Variants in GNAS-AS1 observed in about 807,000 individuals in gnomAD.
GNAS-AS1 encodes the protein GNAS antisense RNA 1, also known as GNAS antisense RNA 1 (non-protein coding).
chr20:58,833,867 CCA>C (rs2145460135), intron 4 of GNAS-AS1: 1 of 152,312 alleles, frequency 6.6e-6, no homozygotes, highest in African/African-American at 2.4e-5. Flanking sequence ...CGATTTCTCC[CCA>C]GTTATCAGGA....
chr20:58,829,118 G>T (rs2085539335), intron 4 of GNAS-AS1, among the ~76,000 whole-genome samples: 1 of 152,174 alleles, frequency 6.6e-6, no homozygotes, highest in Non-Finnish European at 1.5e-5. Flanking sequence ...TCACACCTGG[G>T]CCTCTTTCCC....
At position 58,841,957 on chromosome 20, in the gene GNAS-AS1, G is replaced by C. The variant is rs747997073; in HGVS notation, n.799C>G. On this transcript the variant is annotated non_coding_transcript_exon_variant, in exon 4 of 5. Transcript: ENST00000424094. The surrounding 1 kb of genome is among the most constrained non-coding windows in gnomAD (Gnocchi z 5.0). ...CTTACAATTCGTTTCCAAAGAGCGC[G>C]GTACGCGCAGAGCTGGGGAAAGGTG... is the stretch of plus-strand genomic sequence containing the variant. 5.0e-5 allele frequency: 57 copies of C among 1,132,714 alleles called. No individual in the cohort carries two copies. The highest frequency in any genetic ancestry group is 6.4e-5 in the East Asian group (2 of 31,212). 70.2% of individuals were successfully genotyped at this position (1,132,714 alleles called of 1,614,324 possible). A position where few individuals can be genotyped will look rare whatever the true frequency, so the allele number is the denominator to read the frequency against.
intron 4 of GNAS-AS1, among the ~76,000 whole-genome samples, chr20:58,820,369 A>G (rs6015382): frequency 3.9e-4 from 59 of 152,344 alleles, no homozygotes; most frequent in African/African-American, 1.3e-3. Context: ...GAGGCACCAC[A>G]GTAACCGGAG....
chr20:58,838,058 G>A (rs1600650337), intron 4 of GNAS-AS1, among the ~76,000 whole-genome samples: 1 of 152,144 alleles, frequency 6.6e-6, no homozygotes, highest in Non-Finnish European at 1.5e-5. Flanking sequence ...GACTCAAGAA[G>A]GAGAAAAGGA....
At chr20:58,819,514 G>T (rs373858932) in intron 4 of GNAS-AS1, among the ~76,000 whole-genome samples, 3 of 152,154 alleles carry the variant, frequency 2.0e-5, no homozygotes, top group Non-Finnish European at 2.9e-5. Context: ...TTTTCTGATG[G>T]GGGGAGAGCA....
In GNAS-AS1 at chr20:58,831,356, A is replaced by C. The variant is rs531910432; in HGVS notation, n.819+10581T>G. ...TTAAAAAAATCTGCTAGATAAAGTC[A>C]CTGAAAACTAAATAAAAGCAAAATT... On this transcript the variant is annotated intron_variant and non_coding_transcript_variant, in intron 4 of 4. Transcript: ENST00000424094. 2.6e-5 allele frequency among the ~76,000 whole-genome samples: 4 copies of C among 152,288 alleles called. No homozygotes were observed. The East Asian group carries it at 7.7e-4, about 29-fold the overall frequency.
chr20:58,841,906 G>C lies in GNAS-AS1; in HGVS notation n.819+31C>G, dbSNP rs1280845106. ...GCGGAACAAGGGACAGGCTGGAGAC[G>C]GGGGTCGCGTCTAACATCAGGATAA... On this transcript the variant is annotated intron_variant and non_coding_transcript_variant, in intron 4 of 4. Coordinates refer to ENST00000424094, the Ensembl canonical transcript of GNAS-AS1. The surrounding 1 kb of genome is among the most constrained non-coding windows in gnomAD (Gnocchi z 5.0). 10 of 1,227,880 alleles carry C rather than the reference G, an allele frequency of 8.1e-6. No individual in the cohort carries two copies. Among genetic ancestry groups the C allele is most frequent in the East Asian group, 6.3e-5 (2 of 31,702 alleles). 76.1% of individuals were successfully genotyped at this position (1,227,880 alleles called of 1,614,324 possible).
At position 58,840,598 on chromosome 20, in the gene GNAS-AS1, C is replaced by T. The variant is rs772893248; in HGVS notation, n.819+1339G>A. ...GCCAGTCCCTCACCCAGCGTCTGCA[C>T]GCTCTCAAGTTGCGAAGCCCCGACG... On this transcript the variant is annotated intron_variant and non_coding_transcript_variant, in intron 4 of 4. Coordinates refer to ENST00000424094, the Ensembl canonical transcript of GNAS-AS1. This position sits in a 1 kb window ranked among gnomAD's most constrained non-coding sequence, Gnocchi z 6.0. 1.2e-6 allele frequency: 2 copies of T among 1,610,634 alleles called. No individual in the cohort carries two copies. Among genetic ancestry groups the T allele is most frequent in the Non-Finnish European group, 1.7e-6 (2 of 1,178,756 alleles).
intron 4 of GNAS-AS1, chr20:58,823,880 A>C (rs1425177483): frequency 5.0e-6 from 2 of 396,266 alleles, no homozygotes; most frequent in Admixed American, 4.4e-5. Flanking sequence ...ATCAGCCTGC[A>C]TTTGCATGGA....
At chr20:58,849,324 C>T (rs536368289) in intron 1 of GNAS-AS1, among the ~76,000 whole-genome samples, 5 of 152,300 alleles carry the variant, frequency 3.3e-5, no homozygotes, top group African/African-American at 1.2e-4. Context: ...GCTCCCATCT[C>T]TCCCTTCTGA....
chr20:58,843,122 CG>C (rs371853226), intron 2 of GNAS-AS1, among the ~76,000 whole-genome samples: 47 of 152,086 alleles, frequency 3.1e-4, no homozygotes, highest in African/African-American at 9.4e-4. Context: ...CAAACTGCCT[CG>C]CCATCTGCAT....
At chr20:58,839,446 G>C in intron 4 of GNAS-AS1, 1 of 400,076 alleles carries the variant, frequency 2.5e-6, no homozygotes, top group Middle Eastern at 6.3e-4. Context: ...CCCAATAACT[G>C]GGGAAACTGG....
chr20:58,841,152 T>C lies in GNAS-AS1; in HGVS notation n.819+785A>G, dbSNP rs771945640. On this transcript the variant is annotated intron_variant and non_coding_transcript_variant, in intron 4 of 4. Transcript: ENST00000424094. The surrounding 1 kb of genome is among the most constrained non-coding windows in gnomAD (Gnocchi z 5.0). The stretch of plus-strand genomic sequence containing the variant: ...TGGAGACAACCTGAGGTCTCCGAGC[T>C]GGTGCCCCGGCTACGCGACTGAATC... 1.9e-4 allele frequency among the ~76,000 whole-genome samples: 29 copies of C among 152,132 alleles called. No individual in the cohort carries two copies. The highest frequency in any genetic ancestry group is 1.2e-3 in the Admixed American group (19 of 15,280).
chr20:58,842,278 T>C (rs975435326), intron 3 of GNAS-AS1: 4 of 387,858 alleles, frequency 1.0e-5, no homozygotes, highest in African/African-American at 6.2e-5. Flanking sequence ...TGGAAATTGA[T>C]TTTTTTTTTC....
At chr20:58,844,893 T>C (rs148422459) in intron 2 of GNAS-AS1, among the ~76,000 whole-genome samples, 13 of 152,300 alleles carry the variant, frequency 8.5e-5, no homozygotes, top group Admixed American at 2.6e-4. Flanking sequence ...GTTGGCTTCA[T>C]GTAAATTTTG....
chr20:58,841,955 G>A lies in GNAS-AS1; in HGVS notation n.801C>T. 8.8e-7 allele frequency: 1 copy of A among 1,140,446 alleles called. No homozygotes were observed. The highest frequency in any genetic ancestry group is 1.1e-6 in the Non-Finnish European group (1 of 904,540). The allele number at this position is 1,140,446 out of a possible 1,614,324, so 70.6% of individuals were successfully genotyped here. The stretch of plus-strand genomic sequence containing the variant: ...AACTTACAATTCGTTTCCAAAGAGC[G>A]CGGTACGCGCAGAGCTGGGGAAAGG... On this transcript the variant is annotated non_coding_transcript_exon_variant, in exon 4 of 5. Transcript: ENST00000424094. The surrounding 1 kb of genome is among the most constrained non-coding windows in gnomAD (Gnocchi z 5.0).
At chr20:58,830,310 C>CAT (rs2085549610) in intron 4 of GNAS-AS1, among the ~76,000 whole-genome samples, 2 of 103,784 alleles carry the variant, frequency 1.9e-5, no homozygotes, top group Non-Finnish European at 4.1e-5. Flanking sequence ...ATCACCACCA[C>CAT]CACCACACCA....
Position 58,841,403 on chromosome 20 carries a change from G to A in GNAS-AS1, n.819+534C>T, listed in dbSNP as rs2085720441. 1.0e-6 allele frequency: 1 copy of A among 1,004,964 alleles called. No homozygotes were observed. Among genetic ancestry groups the A allele is most frequent in the Non-Finnish European group, 1.2e-6 (1 of 841,502 alleles). The allele number at this position is 1,004,964 out of a possible 1,614,324, so 62.3% of individuals were successfully genotyped here. ...GAAAGTAATCTGAATGGGAATGGGC[G>A]AGAACTCTAGAGACTGACCACCCGG... On this transcript the variant is annotated intron_variant and non_coding_transcript_variant, in intron 4 of 4. Coordinates refer to ENST00000424094, the Ensembl canonical transcript of GNAS-AS1. The surrounding 1 kb of genome is among the most constrained non-coding windows in gnomAD (Gnocchi z 5.0).
chr20:58,850,518 A>G (rs534623373), intron 1 of GNAS-AS1: 33 of 398,596 alleles, frequency 8.3e-5, no homozygotes, highest in African/African-American at 6.0e-4. Flanking sequence ...TCCAACCCCA[A>G]TGTCTACTGA....
Sources: allele counts gnomAD v4.1 joint callset (sites outside exome capture counted in the v4.1 genomes callset), GRCh38; gene constraint gnomAD v4.1.1; non-coding constraint Gnocchi (gnomAD v3.1); transcripts MANE v1.5; gene names NCBI Gene and HGNC (gene_info 2026-07-23, HGNC 2026-07-21).